The following UNC13C variants were observed in gnomAD, a reference collection of about 807,000 sequenced individuals.
UNC13C encodes protein unc-13 homolog C.
A neutral mutation model predicts 245.4 loss-of-function variants in UNC13C; 174 were observed. That is an observed-to-expected ratio of 0.71 (90% confidence interval 0.63 to 0.80). The LOEUF (loss-of-function observed/expected upper bound fraction) is 0.80, where lower values mean the gene tolerates loss of function less well. Among genes scored for constraint, UNC13C ranks in the 30% least tolerant of loss-of-function variants. The pLI, the probability that UNC13C is intolerant of heterozygous loss-of-function variation, is 0.00. For synonymous variants in UNC13C, 992 were observed against 895.1 expected, an observed-to-expected ratio of 1.11 and a Z score of -1.93; for missense variants, 2,829 against 2,602.9, an observed-to-expected ratio of 1.09 and a Z score of -1.89.
the UNC13C span, among the ~76,000 whole-genome samples, chr15:53,955,266 T>TACACACACAC: frequency 1.2e-3 from 185 of 149,682 alleles, 1 homozygote; most frequent in East Asian, 0.012. Flanking sequence ...GACTTTTTCT[T>TACACACACAC]ACACACACAC....
Position 54,013,641 on chromosome 15 carries a change from C to T in UNC13C, c.738C>T (p.Ile246=), listed in dbSNP as rs1895491122. The part of the protein sequence containing the change: ...ISQTHDVMEM[I]FKELQGISQI... Reference sequence around the variant, plus strand: ...AAACACATGATGTCATGGAAATGATCTTTAAGGAACTTCAGGGAATAAGTC... The same window carrying T: ...AAACACATGATGTCATGGAAATGATTTTTAAGGAACTTCAGGGAATAAGTC... Residue 246 remains isoleucine, a synonymous_variant, in exon 2 of 33, where the codon ATC becomes ATT. Transcript: ENST00000260323. 1 of 1,613,604 alleles carries T rather than the reference C, an allele frequency of 6.2e-7. No homozygotes were observed. The highest frequency in any genetic ancestry group is 1.3e-5 in the African/African-American group (1 of 74,914).
At position 54,117,523 on chromosome 15, in the gene UNC13C, T is replaced by TTCTCTCTCTC. The variant is rs56332846; in HGVS notation, c.2984-25460_2984-25451dup. 6.2e-3 allele frequency among the ~76,000 whole-genome samples: 636 copies of TTCTCTCTCTC among 102,086 alleles called. 12 individuals are homozygous for TTCTCTCTCTC. The highest frequency in any genetic ancestry group is 0.019 in the African/African-American group (488 of 25,234). 67.0% of individuals were successfully genotyped at this position (102,086 alleles called of 152,430 possible). ...TAGAGTTTTCTCAGAACTATTATGT[T>TTCTCTCTCTC]TCTCTCTCTCTCTCTCTCTCTCTCT... is the stretch of plus-strand genomic sequence containing the variant. On this transcript the variant is annotated intron_variant, in intron 2 of 32. Transcript: ENST00000260323.
chr15:53,843,012 T>G, the UNC13C span, among the ~76,000 whole-genome samples: 1 of 151,788 alleles, frequency 6.6e-6, no homozygotes, highest in Non-Finnish European at 1.5e-5. Context: ...AGAATTTTAC[T>G]CACAACTAGA....
rs202235638 is a variant in UNC13C, at chr15:54,494,691, C to T, written c.5017C>T (p.Arg1673Cys). 105 of 1,611,024 alleles carry T rather than the reference C, an allele frequency of 6.5e-5. No individual in the cohort carries two copies. In the African/African-American group the frequency reaches 9.3e-4, roughly 14 times the overall value. The change falls in exon 20 of 33, where the codon CGT (arginine) becomes TGT (cysteine). Residue 1673 changes from arginine to cysteine, a missense_variant. Transcript: ENST00000260323. ...KVKWFYNEYV[R>C]ELPAFKDAVP... is the part of the protein sequence containing the mutation. ...TAAATGGTTTTATAATGAATATGTG[C>T]GTGAACTTCCTGCCTTCAAGGATGC...
chr15:54,332,092 T>C lies in UNC13C; in HGVS notation c.4475T>C (p.Ile1492Thr), dbSNP rs755037904. The change falls in exon 15 of 33, where the codon ATT becomes ACT. Residue 1492 changes from isoleucine (I) to threonine (T), a missense_variant. Transcript: ENST00000260323. ...LLDQLHNSLR[I>T]DLSKYRENFP... The stretch of plus-strand genomic sequence containing the variant: ...GACCAGTTACATAACTCTTTGAGGA[T>C]TGATCTGTCAAAGTATAGGGTATGT... 3 of 1,579,194 alleles carry C rather than the reference T, an allele frequency of 1.9e-6. No individual in the cohort carries two copies. Among genetic ancestry groups the C allele is most frequent in the South Asian group, 1.2e-5 (1 of 85,772 alleles).
chr15:53,967,327 T>TTTG, the UNC13C span, among the ~76,000 whole-genome samples: 7,471 of 124,226 alleles, frequency 0.06, 306 homozygotes, highest in African/African-American at 0.13. Flanking sequence ...ACAATTTTTT[T>TTTG]TTTGTTGTTT....
rs562497870 is a variant in UNC13C at position 53,982,032 on chromosome 15, G to C, written c.-257+3105G>C. 4.6e-5 allele frequency among the ~76,000 whole-genome samples: 7 copies of C among 152,196 alleles called. No homozygotes were observed. In the South Asian group the frequency reaches 1.4e-3, roughly 32 times the overall value. On this transcript the variant is annotated intron_variant, in intron 1 of 32. Coordinates refer to ENST00000260323, the MANE Select transcript of UNC13C (RefSeq NM_001080534.3). The stretch of plus-strand genomic sequence containing the variant: ...AAGAAAATATTTTGTAGAAATAAAT[G>C]CTAGATAGAAAGATAGGAACTCAAC...
chr15:54,622,530 G>T, intron 31 of UNC13C, 111 bp downstream of exon 31: 3 of 766,606 alleles, frequency 3.9e-6, no homozygotes, highest in South Asian at 2.1e-5. Context: ...ATTATTTTAG[G>T]GCATGCACAA....
chr15:54,373,589 C>G (rs1305837973), intron 17 of UNC13C, among the ~76,000 whole-genome samples: 1 of 152,176 alleles, frequency 6.6e-6, no homozygotes, highest in African/African-American at 2.4e-5. Flanking sequence ...CTGCTGGCAC[C>G]AGGGAACATG....
intron 4 of UNC13C, among the ~76,000 whole-genome samples, chr15:54,202,389 T>C (rs764600150): frequency 1.4e-4 from 22 of 151,824 alleles, no homozygotes; most frequent in Non-Finnish European, 2.7e-4. Context: ...AGAACAAATA[T>C]GGAGGCATCA....
intron 4 of UNC13C, among the ~76,000 whole-genome samples, chr15:54,231,726 A>T (rs569268664): frequency 9.9e-5 from 15 of 151,980 alleles, no homozygotes; most frequent in Non-Finnish European, 2.1e-4. Flanking sequence ...AAAACAATCA[A>T]CTATACCTAA....
chr15:53,848,917 G>A, the UNC13C span, among the ~76,000 whole-genome samples: 1 of 151,490 alleles, frequency 6.6e-6, no homozygotes, highest in Non-Finnish European at 1.5e-5. Context: ...AGTATTTCTT[G>A]TTATTAAGAC....
At chr15:54,424,021 GC>G (rs1170792873) in intron 19 of UNC13C, among the ~76,000 whole-genome samples, 2 of 151,610 alleles carry the variant, frequency 1.3e-5, no homozygotes, top group African/African-American at 2.4e-5. Context: ...ACATGTCATG[GC>G]CTTAGGTGCT....
the UNC13C span, among the ~76,000 whole-genome samples, chr15:53,949,799 T>C: frequency 6.6e-6 from 1 of 152,214 alleles, no homozygotes; most frequent in African/African-American, 2.4e-5. Context: ...TTGCACTTTA[T>C]AGTCCTCAAG....
chr15:53,890,092 C>G, the UNC13C span, among the ~76,000 whole-genome samples: 1 of 149,216 alleles, frequency 6.7e-6, no homozygotes, highest in African/African-American at 2.4e-5. Context: ...AGGATTCTCT[C>G]TTTTTCTAGT....
chr15:54,440,179 C>T (rs1890439360), intron 19 of UNC13C, among the ~76,000 whole-genome samples: 1 of 152,004 alleles, frequency 6.6e-6, no homozygotes, highest in Non-Finnish European at 1.5e-5. Flanking sequence ...ACTTCTCTCT[C>T]CTCCTGTCAT....
chr15:53,864,305 T>C, the UNC13C span, among the ~76,000 whole-genome samples: 18 of 152,304 alleles, frequency 1.2e-4, 1 homozygote, highest in South Asian at 1.7e-3. Flanking sequence ...ATTTTCTTCC[T>C]TTTGCTTATC....
Position 54,012,764 on chromosome 15 carries a change from CAG to C in UNC13C, c.-137_-136del. On this transcript the variant is annotated 5_prime_UTR_variant, in exon 2 of 33. An upstream open reading frame in the 5' UTR loses its in-frame stop. Coordinates refer to ENST00000260323, the MANE Select transcript of UNC13C (RefSeq NM_001080534.3). ...TTTGCACAGGACAGCGACAATGTGG[CAG>C]AGCCATGCCTGCCCTTCCTGCTCTT... The C allele has an allele frequency of 1.5e-6, 1 of 668,104 alleles. No homozygotes were observed. The highest frequency in any genetic ancestry group is 2.6e-6 in the Non-Finnish European group (1 of 388,774). 41.4% of individuals were successfully genotyped at this position (668,104 alleles called of 1,614,324 possible). A position where few individuals can be genotyped will look rare whatever the true frequency, so the allele number is the denominator to read the frequency against.
the UNC13C span, among the ~76,000 whole-genome samples, chr15:53,887,937 T>C: frequency 6.6e-6 from 1 of 152,360 alleles, no homozygotes; most frequent in Middle Eastern, 3.4e-3. Context: ...CCACATTTTC[T>C]TTATCCAGTC....
Sources: gnomAD v4.1 joint callset for allele counts (sites outside exome capture counted in the v4.1 genomes callset) on GRCh38, gnomAD v4.1.1 for gene constraint, MANE v1.5 for transcripts, NCBI Gene and HGNC (gene_info 2026-07-23, HGNC 2026-07-21) for gene names.